IL1RAPL1: variants seen among roughly 807,000 people sequenced by gnomAD.
IL1RAPL1 encodes the protein interleukin 1 receptor accessory protein like 1, also known as interleukin-1 receptor accessory protein-like 1.
IL1RAPL1 carries 3 observed loss-of-function variants against 48.4 expected under a neutral mutation model. The observed-to-expected ratio is 0.06, with a 90% CI of 0.03 to 0.16. IL1RAPL1 has a LOEUF of 0.16. Ranked by LOEUF, IL1RAPL1 falls within the 10% of genes least tolerant of loss-of-function variation. IL1RAPL1 has a pLI of 1.00. For synonymous variants in IL1RAPL1, 185 were observed against 187.7 expected (o/e 0.99, Z 0.12); for missense variants, 349 against 530.6 (o/e 0.66, Z 3.36).
intron 2 of IL1RAPL1, among the ~76,000 whole-genome samples, chrX:29,252,378 C>T (rs935339161): frequency 8.8e-6 from 1 of 113,745 alleles, no homozygotes; most frequent in Non-Finnish European, 1.9e-5. Flanking sequence ...CACTAGATTT[C>T]TCTATCAGTT....
At chrX:29,340,636 C>T (rs1464301969) in intron 3 of IL1RAPL1, among the ~76,000 whole-genome samples, 2 of 112,018 alleles carry the variant, frequency 1.8e-5, no homozygotes, top group African/African-American at 6.5e-5. Context: ...GTCTAGGAAT[C>T]CCGATAAGGC....
At chrX:28,716,519 A>G (rs1375008140) in intron 1 of IL1RAPL1, among the ~76,000 whole-genome samples, 2 of 111,744 alleles carry the variant, frequency 1.8e-5, no homozygotes, top group Non-Finnish European at 3.8e-5. Context: ...CATATACAAA[A>G]TTTAACTCAA....
intron 2 of IL1RAPL1, among the ~76,000 whole-genome samples, chrX:29,217,777 TCACACACACA>T (rs750727005): frequency 2.5e-3 from 149 of 60,636 alleles, no homozygotes; most frequent in African/African-American, 0.012. Flanking sequence ...TCTCTCTCTC[TCACACACACA>T]CACACACACA....
chrX:29,037,184 C>A (rs1240738159), intron 2 of IL1RAPL1, among the ~76,000 whole-genome samples: 1 of 111,877 alleles, frequency 8.9e-6, no homozygotes, highest in Admixed American at 9.5e-5. Flanking sequence ...AAAGCAATTT[C>A]TTGCCAGCTA....
chrX:29,344,507 G>A lies in IL1RAPL1; in HGVS notation c.363-51751G>A, dbSNP rs139784865. Among the ~76,000 whole-genome samples the A allele has an allele frequency of 9.9e-3, 1,100 of 111,499 alleles. 13 individuals carry two copies. The highest frequency in any genetic ancestry group is 0.034 in the African/African-American group (1,042 of 30,716). ...TTCATACATTTTTAATTAGACAAATGATACACACATCCATTCCTATTATTT... is the reference window on the plus strand; with the variant it reads ...TTCATACATTTTTAATTAGACAAATAATACACACATCCATTCCTATTATTT... On this transcript the variant is annotated intron_variant, in intron 3 of 10. Transcript: ENST00000378993.
chrX:29,128,240 C>G (rs1338889602), intron 2 of IL1RAPL1, among the ~76,000 whole-genome samples: 1 of 111,065 alleles, frequency 9.0e-6, no homozygotes, highest in Non-Finnish European at 1.9e-5. Context: ...CCTCATTGCT[C>G]TTAAAGCATG....
At chrX:29,868,025 G>A (rs1931728537) in intron 6 of IL1RAPL1, among the ~76,000 whole-genome samples, 1 of 112,128 alleles carries the variant, frequency 8.9e-6, no homozygotes, top group Non-Finnish European at 1.9e-5. Context: ...ATCATTCAGG[G>A]TAGCTTGTAG....
intron 5 of IL1RAPL1, among the ~76,000 whole-genome samples, chrX:29,433,647 G>A (rs1934446942): frequency 9.0e-6 from 1 of 111,006 alleles, no homozygotes; most frequent in African/African-American, 3.3e-5. Flanking sequence ...TTACAACATA[G>A]GGTATTATCA....
intron 1 of IL1RAPL1, among the ~76,000 whole-genome samples, chrX:28,633,767 G>T (rs1934426874): frequency 8.9e-6 from 1 of 111,847 alleles, no homozygotes; most frequent in Non-Finnish European, 1.9e-5. Context: ...CAACTGTATT[G>T]AACATTTATT....
chrX:29,182,966 A>G (rs1317602302), intron 2 of IL1RAPL1, among the ~76,000 whole-genome samples: 1 of 111,230 alleles, frequency 9.0e-6, no homozygotes, highest in Non-Finnish European at 1.9e-5. Context: ...GAATATAGGC[A>G]GCCTTTAGAA....
intron 2 of IL1RAPL1, among the ~76,000 whole-genome samples, chrX:29,009,206 G>T (rs1926064554): frequency 9.0e-6 from 1 of 111,519 alleles, no homozygotes; most frequent in Non-Finnish European, 1.9e-5. Flanking sequence ...GAGGGGGTAG[G>T]GTGGTAGGAG....
intron 6 of IL1RAPL1, among the ~76,000 whole-genome samples, chrX:29,887,240 G>A (rs1265637279): frequency 8.9e-6 from 1 of 112,175 alleles, no homozygotes; most frequent in Non-Finnish European, 1.9e-5. Flanking sequence ...TCAAATCATA[G>A]GAACATGAAA....
At chrX:29,144,730 CT>C (rs752844858) in intron 2 of IL1RAPL1, among the ~76,000 whole-genome samples, 141 of 94,070 alleles carry the variant, frequency 1.5e-3, no homozygotes, top group East Asian at 0.011. Context: ...TGTTGATCTT[CT>C]TTTTTTTTTT....
intron 2 of IL1RAPL1, among the ~76,000 whole-genome samples, chrX:29,264,890 T>C (rs1931924925): frequency 1.8e-5 from 2 of 111,031 alleles, no homozygotes; most frequent in African/African-American, 3.3e-5. Flanking sequence ...TTTTCTTTAT[T>C]GTAGAGTTCT....
At chrX:29,183,433 C>G (rs774461680) in intron 2 of IL1RAPL1, among the ~76,000 whole-genome samples, 1 of 111,698 alleles carries the variant, frequency 9.0e-6, no homozygotes, top group Admixed American at 9.6e-5. Context: ...TCTGCCTAAG[C>G]ATCCTTATGG....
At chrX:28,588,679 C>T (rs1933875473) in intron 1 of IL1RAPL1, among the ~76,000 whole-genome samples, 1 of 111,579 alleles carries the variant, frequency 9.0e-6, no homozygotes, top group Non-Finnish European at 1.9e-5. Flanking sequence ...TGGATTATCA[C>T]TCAGAGTGAA....
chrX:28,962,592 A>G (rs969323276), intron 2 of IL1RAPL1, among the ~76,000 whole-genome samples: 1 of 111,249 alleles, frequency 9.0e-6, no homozygotes, highest in African/African-American at 3.3e-5. Context: ...CCGACTGTAG[A>G]TTGAAAATAT....
intron 1 of IL1RAPL1, among the ~76,000 whole-genome samples, chrX:28,651,249 G>A (rs1371030062): frequency 8.9e-6 from 1 of 112,166 alleles, no homozygotes; most frequent in African/African-American, 3.2e-5. Context: ...TTTCAGATAA[G>A]GGATACTCAA....
intron 2 of IL1RAPL1, among the ~76,000 whole-genome samples, chrX:29,199,378 C>A (rs1187530473): frequency 1.8e-5 from 2 of 110,582 alleles, no homozygotes; most frequent in Non-Finnish European, 3.8e-5. Flanking sequence ...CTCTTATATA[C>A]TTAAATTAAT....
Sources: gnomAD v4.1 joint callset for allele counts (sites outside exome capture counted in the v4.1 genomes callset) on GRCh38, gnomAD v4.1.1 for gene constraint, MANE v1.5 for transcripts, NCBI Gene and HGNC (gene_info 2026-07-23, HGNC 2026-07-21) for gene names.